ANKRD45: variants seen among roughly 807,000 people sequenced by gnomAD.
ANKRD45 encodes the protein ankyrin repeat domain-containing protein 45.
A neutral mutation model predicts 28.1 loss-of-function variants in ANKRD45; 21 were observed. The ratio of observed to expected loss-of-function variants is 0.75; its 90% CI spans 0.53 to 1.08. ANKRD45 has a LOEUF of 1.08. ANKRD45 is among the 50% of genes least tolerant of loss of function. The probability of loss-of-function intolerance (pLI) is 0.00; values close to 1 mark genes in which losing one functional copy is unlikely to be tolerated. For missense variants in ANKRD45, 261 were observed against 308.7 expected (o/e 0.85, Z 1.16); for synonymous variants, 86 against 103.9 (o/e 0.83, Z 1.05).
chr1:173,660,420 T>G (rs932335097), intron 1 of ANKRD45, among the ~76,000 whole-genome samples: 1 of 152,104 alleles, frequency 6.6e-6, no homozygotes, highest in East Asian at 1.9e-4. Flanking sequence ...TTAAAAGAAA[T>G]AAATTACAAT....
At chr1:173,689,010 A>T in the ANKRD45 span, among the ~76,000 whole-genome samples, 1 of 152,158 alleles carries the variant, frequency 6.6e-6, no homozygotes, top group Non-Finnish European at 1.5e-5. Flanking sequence ...TAAAAAGGTG[A>T]TAAGCTCATG....
intron 1 of ANKRD45, among the ~76,000 whole-genome samples, chr1:173,669,079 C>A (rs911763860): frequency 1.3e-5 from 2 of 152,198 alleles, no homozygotes; most frequent in African/African-American, 4.8e-5. Flanking sequence ...ACCCCATAGG[C>A]TCTCACATTT....
chr1:173,672,107 A>G (rs984859214), upstream of ANKRD45, among the ~76,000 whole-genome samples: 2 of 152,222 alleles, frequency 1.3e-5, no homozygotes, highest in Non-Finnish European at 2.9e-5. Context: ...CTGCAGACCC[A>G]TACAGATTCA....
intron 2 of ANKRD45, among the ~76,000 whole-genome samples, chr1:173,653,900 G>A (rs1669360728): frequency 1.3e-5 from 2 of 149,548 alleles, no homozygotes; most frequent in South Asian, 4.2e-4. Context: ...TGTTTTATAA[G>A]AGACTAGGAT....
At chr1:173,656,362 G>A (rs554435476) in intron 2 of ANKRD45, among the ~76,000 whole-genome samples, 2 of 152,298 alleles carry the variant, frequency 1.3e-5, no homozygotes, top group South Asian at 4.1e-4. Context: ...GAAAGTTGCT[G>A]ATTGGGATAT....
chr1:173,683,078 G>C, the ANKRD45 span, among the ~76,000 whole-genome samples: 3 of 151,776 alleles, frequency 2.0e-5, no homozygotes, highest in Non-Finnish European at 4.4e-5. Context: ...AGATGGAGTT[G>C]ATCAAACCCA....
At chr1:173,682,684 T>C in the ANKRD45 span, among the ~76,000 whole-genome samples, 11,081 of 144,012 alleles carry the variant, frequency 0.077, 608 homozygotes, top group East Asian at 0.3. Flanking sequence ...GCCTTTTAAA[T>C]ACACACACAC....
intron 2 of ANKRD45, among the ~76,000 whole-genome samples, chr1:173,655,386 G>A (rs1233840967): frequency 6.6e-6 from 1 of 152,178 alleles, no homozygotes; most frequent in Non-Finnish European, 1.5e-5. Flanking sequence ...TTTGCTGGAG[G>A]TCCACTCCAG....
At chr1:173,637,876 C>T (rs1280648025) in intron 3 of ANKRD45, among the ~76,000 whole-genome samples, 3 of 152,188 alleles carry the variant, frequency 2.0e-5, no homozygotes, top group Non-Finnish European at 2.9e-5. Flanking sequence ...GTCTTTGGTC[C>T]TCTCTCATGG....
the ANKRD45 span, among the ~76,000 whole-genome samples, chr1:173,692,756 A>C: frequency 6.6e-6 from 1 of 152,236 alleles, no homozygotes; most frequent in African/African-American, 2.4e-5. Context: ...AAAGTTAAGA[A>C]GTGGCAAATG....
At position 173,608,509 on chromosome 1, in the gene ANKRD45, G is replaced by C. The variant is rs1025593961; in HGVS notation, c.*1636C>G. Among the ~76,000 whole-genome samples the C allele has an allele frequency of 9.9e-5, 15 of 152,002 alleles. No homozygotes were observed. Among genetic ancestry groups the C allele is most frequent in the African/African-American group, 3.6e-4 (15 of 41,480 alleles). On this transcript the variant is annotated 3_prime_UTR_variant, in exon 6 of 6. Transcript: ENST00000333279. ...AATTTTTGTATTTTTAGTAGAGACA[G>C]GGTTTCACCATGTTGGCCAGGCTTG...
At chr1:173,653,094 T>TG (rs1265715263) in intron 2 of ANKRD45, among the ~76,000 whole-genome samples, 1 of 152,224 alleles carries the variant, frequency 6.6e-6, no homozygotes, top group Non-Finnish European at 1.5e-5. Context: ...TGTCTCTATC[T>TG]CCTTCAGTTC....
Position 173,619,892 on chromosome 1 carries a change from CAAG to C in ANKRD45, c.730+4892_730+4894del, listed in dbSNP as rs1667627421. On this transcript the variant is annotated intron_variant, in intron 5 of 5. Coordinates refer to ENST00000333279, the MANE Select transcript of ANKRD45 (RefSeq NM_198493.3). ...CATAACAATAAAGGGTTCAATTCAACAAGAAGAGCTAACTATCCTAAATATATA... is the reference window on the plus strand; with the variant it reads ...CATAACAATAAAGGGTTCAATTCAACAAGAGCTAACTATCCTAAATATATA... 2.7e-5 allele frequency among the ~76,000 whole-genome samples: 4 copies of C among 150,356 alleles called. No homozygotes were observed. In the South Asian group the frequency reaches 8.4e-4, roughly 32 times the overall value.
upstream of ANKRD45, among the ~76,000 whole-genome samples, chr1:173,673,392 C>T (rs1670320114): frequency 1.3e-5 from 2 of 152,208 alleles, no homozygotes; most frequent in Admixed American, 1.3e-4. Context: ...GGATTACAGG[C>T]ATGAACCACC....
chr1:173,647,999 G>A (rs1460795944), intron 2 of ANKRD45, among the ~76,000 whole-genome samples: 1 of 151,970 alleles, frequency 6.6e-6, no homozygotes, highest in African/African-American at 2.4e-5. Flanking sequence ...CTGGAGTGCG[G>A]TGGCACGATC....
At chr1:173,671,968 C>T (rs778980766), upstream of ANKRD45, among the ~76,000 whole-genome samples, 7 of 151,708 alleles carry the variant, frequency 4.6e-5, no homozygotes, top group Non-Finnish European at 1.0e-4. Context: ...TCCAAGTGTA[C>T]ATTACTTCCT....
At chr1:173,632,491 A>G (rs10912654) in intron 3 of ANKRD45, among the ~76,000 whole-genome samples, 1 of 151,012 alleles carries the variant, frequency 6.6e-6, no homozygotes, top group Non-Finnish European at 1.5e-5. Flanking sequence ...TTACAGAGCC[A>G]TTATTACCCT....
chr1:173,624,730 A>T, intron 5 of ANKRD45, 57 bp downstream of exon 5: 4 of 1,533,604 alleles, frequency 2.6e-6, no homozygotes, highest in Non-Finnish European at 3.6e-6. Context: ...AAATAACAAC[A>T]TTGAACTTAA....
the ANKRD45 span, among the ~76,000 whole-genome samples, chr1:173,688,181 T>A: frequency 6.6e-6 from 1 of 152,098 alleles, no homozygotes. Context: ...CAAGGTGGTA[T>A]TGGAGTGTTA....
Sources: gnomAD v4.1 joint callset for allele counts (sites outside exome capture counted in the v4.1 genomes callset) on GRCh38, gnomAD v4.1.1 for gene constraint, MANE v1.5 for transcripts, NCBI Gene and HGNC (gene_info 2026-07-23, HGNC 2026-07-21) for gene names.